Variants in DNASE1 observed in about 807,000 individuals in gnomAD.
The protein encoded by DNASE1 is deoxyribonuclease-1.
A neutral mutation model predicts 33.9 loss-of-function variants in DNASE1; 40 were observed. The ratio of observed to expected loss-of-function variants is 1.18; its 90% CI spans 0.92 to 1.54. The LOEUF (loss-of-function observed/expected upper bound fraction) is 1.54. DNASE1 is among the 40% of genes most tolerant of loss of function. The probability of loss-of-function intolerance (pLI) is 0.00; values close to 1 mark genes in which losing one functional copy is unlikely to be tolerated. For synonymous variants in DNASE1, 216 were observed against 160.0 expected (o/e 1.35, Z -2.64); for missense variants, 518 against 372.6 (o/e 1.39, Z -3.21).
At chr16:3,657,362 A>C in intron 7 of DNASE1, 21 bp downstream of exon 7, 4 of 1,610,160 alleles carry the variant, frequency 2.5e-6, no homozygotes, top group Non-Finnish European at 3.4e-6. Flanking sequence ...CCTCGCGCTT[A>C]GGGCAGACTG....
Position 3,620,318 on chromosome 16 carries a change from C to G in DNASE1, c.-1359+8312C>G, listed in dbSNP as rs138945074. Among the ~76,000 whole-genome samples, 61 of 152,208 alleles carry G rather than the reference C, an allele frequency of 4.0e-4. No homozygotes were observed. The East Asian group carries it at 0.011, about 28-fold the overall frequency. ...ATCATTTAGTCACGTGACTGGGTAA[C>G]AAGCATTTCAGAGATCAAAAGGCTT... On this transcript the variant is annotated intron_variant and NMD_transcript_variant, in intron 1 of 11. Coordinates refer to the DNASE1 transcript ENST00000570769.
chr16:3,635,664 T>C (rs1481608281), intron 1 of DNASE1, among the ~76,000 whole-genome samples: 1 of 151,924 alleles, frequency 6.6e-6, no homozygotes, highest in Non-Finnish European at 1.5e-5. Context: ...TCTCTTCTCT[T>C]TTGAAGGGTA....
downstream of DNASE1, chr16:3,662,360 C>T (rs898100934): frequency 3.0e-5 from 18 of 609,430 alleles, 1 homozygote; most frequent in Admixed American, 6.0e-5. Flanking sequence ...CCTGGTGCCC[C>T]GCTGCTGCCT....
chr16:3,614,389 C>T (rs1324014603), intron 1 of DNASE1, among the ~76,000 whole-genome samples: 3 of 152,264 alleles, frequency 2.0e-5, no homozygotes, highest in East Asian at 1.9e-4. Flanking sequence ...GAAAAGGAGG[C>T]GTGCCACCAC....
intron 1 of DNASE1, among the ~76,000 whole-genome samples, chr16:3,643,823 G>A (rs894818821): frequency 2.0e-5 from 3 of 151,962 alleles, no homozygotes; most frequent in East Asian, 1.9e-4. Flanking sequence ...GTGCAGTGGC[G>A]CGATCTCGGC....
At chr16:3,621,163 A>G (rs2041297330) in intron 1 of DNASE1, among the ~76,000 whole-genome samples, 1 of 152,008 alleles carries the variant, frequency 6.6e-6, no homozygotes, top group Admixed American at 6.5e-5. Flanking sequence ...TGGCACGAGC[A>G]TAGACTCGAA....
intron 1 of DNASE1, among the ~76,000 whole-genome samples, chr16:3,620,123 C>T (rs530196660): frequency 6.6e-6 from 1 of 151,882 alleles, no homozygotes. Flanking sequence ...ACCATGTTGG[C>T]CAGGCTGGTG....
downstream of DNASE1, chr16:3,658,404 G>C (rs2042849995): frequency 1.6e-6 from 1 of 625,186 alleles, no homozygotes; most frequent in Non-Finnish European, 2.8e-6. Flanking sequence ...ACAGGCGTGA[G>C]CCACCACGCC....
intron 1 of DNASE1, among the ~76,000 whole-genome samples, chr16:3,632,431 T>G (rs947225675): frequency 2.6e-5 from 4 of 152,216 alleles, no homozygotes; most frequent in African/African-American, 9.6e-5. Flanking sequence ...TACCTCATCT[T>G]AGAGAAATAC....
intron 1 of DNASE1, among the ~76,000 whole-genome samples, chr16:3,620,046 G>A (rs957139350): frequency 6.6e-6 from 1 of 151,704 alleles, no homozygotes; most frequent in Non-Finnish European, 1.5e-5. Context: ...CTCCTGAGTA[G>A]CTGGGACTAC....
intron 1 of DNASE1, among the ~76,000 whole-genome samples, chr16:3,620,863 C>T (rs1453652251): frequency 6.6e-6 from 1 of 151,948 alleles, no homozygotes; most frequent in African/African-American, 2.4e-5. Context: ...TGCAGTGGCG[C>T]AATGCCGGCT....
At chr16:3,640,213 G>A (rs1310871653), upstream of DNASE1, among the ~76,000 whole-genome samples, 1 of 152,144 alleles carries the variant, frequency 6.6e-6, no homozygotes, top group Non-Finnish European at 1.5e-5. Context: ...AGTCTTTCCT[G>A]GGCCTTCTCA....
chr16:3,652,156 T>A, upstream of DNASE1: 1 of 152,430 alleles, frequency 6.6e-6, no homozygotes, highest in East Asian at 1.9e-4. Flanking sequence ...AGGGGCACTA[T>A]GCCTGGGAGT....
At chr16:3,614,887 C>T (rs1272888883) in intron 1 of DNASE1, among the ~76,000 whole-genome samples, 2 of 152,120 alleles carry the variant, frequency 1.3e-5, no homozygotes, top group African/African-American at 2.4e-5. Context: ...AATGAAGTGC[C>T]TGTTTCCTAT....
At chr16:3,662,192 GA>G, downstream of DNASE1, 1 of 1,568,136 alleles carries the variant, frequency 6.4e-7, no homozygotes. Context: ...GGGCTGGCAG[GA>G]TCTTACCAGG....
chr16:3,658,187 G>C (rs995881750), downstream of DNASE1: 9 of 1,613,976 alleles, frequency 5.6e-6, no homozygotes, highest in Middle Eastern at 6.6e-4. Context: ...CATGGCCCTA[G>C]GGTCGTCAAC....
intron 1 of DNASE1, among the ~76,000 whole-genome samples, chr16:3,619,422 T>C (rs536815290): frequency 9.5e-4 from 144 of 151,628 alleles, no homozygotes; most frequent in African/African-American, 3.4e-3. Context: ...AGTGCAGTGG[T>C]GTGATCTCAG....
chr16:3,641,350 G>T (rs1247049470), upstream of DNASE1: 1 of 160,042 alleles, frequency 6.2e-6, no homozygotes, highest in African/African-American at 2.4e-5. Flanking sequence ...TCCTCCTGGG[G>T]TGCTTTCCTG....
chr16:3,655,156 G>A (rs367778498), intron 1 of DNASE1, 112 bp downstream of exon 1: 20 of 630,440 alleles, frequency 3.2e-5, no homozygotes, highest in Admixed American at 5.8e-5. Flanking sequence ...CGTCCCTCCC[G>A]GGCGGGTTTT....
Sources: allele counts gnomAD v4.1 joint callset (sites outside exome capture counted in the v4.1 genomes callset), GRCh38; gene constraint gnomAD v4.1.1; transcripts MANE v1.5; gene names NCBI Gene and HGNC (gene_info 2026-07-23, HGNC 2026-07-21).